NLGN4X: variants seen among roughly 807,000 people sequenced by gnomAD.
The protein encoded by NLGN4X is neuroligin-4, X-linked.
Under a neutral mutation model 40.3 loss-of-function variants are expected in NLGN4X, and 3 were observed. The observed-to-expected ratio is 0.07, with a 90% CI of 0.03 to 0.19. NLGN4X has a LOEUF of 0.19. Ranked by LOEUF, NLGN4X falls within the 10% of genes least tolerant of loss-of-function variation. NLGN4X has a pLI of 1.00. For missense variants in NLGN4X, 382 were observed against 708.3 expected (o/e 0.54, Z 5.23); for synonymous variants, 270 against 306.8 (o/e 0.88, Z 1.25).
At chrX:5,909,536 C>T (rs1375195160) in intron 3 of NLGN4X, among the ~76,000 whole-genome samples, 3 of 109,427 alleles carry the variant, frequency 2.7e-5, no homozygotes, top group Non-Finnish European at 5.7e-5. Context: ...CAGAAGACGT[C>T]GTAAATTTTA....
chrX:5,911,327 A>C (rs1286401982), intron 3 of NLGN4X, among the ~76,000 whole-genome samples: 1 of 112,142 alleles, frequency 8.9e-6, no homozygotes, highest in Non-Finnish European at 1.9e-5. Context: ...TTCAACACGC[A>C]GGAAATCATT....
At position 6,032,233 on chromosome X, in the gene NLGN4X, C is replaced by A. The variant is rs867046947; in HGVS notation, c.473-2801G>T. On this transcript the variant is annotated intron_variant, in intron 2 of 5. Coordinates refer to ENST00000381095, the MANE Select transcript of NLGN4X (RefSeq NM_181332.3). ...AAAAAACTGATATTTCAGCCCCCCCCCCCCCAAAAAAAATTCTTCTAAGGT... is the reference window on the plus strand; with the variant it reads ...AAAAAACTGATATTTCAGCCCCCCCACCCCCAAAAAAAATTCTTCTAAGGT... 7.4e-3 allele frequency among the ~76,000 whole-genome samples: 690 copies of A among 93,115 alleles called. 19 individuals carry two copies. Among genetic ancestry groups the A allele is most frequent in the Non-Finnish European group, 8.7e-3 (412 of 47,326 alleles). The allele number at this position is 93,115 out of a possible 115,157, so 80.9% of individuals were successfully genotyped here.
chrX:6,025,297 T>C (rs764795649), intron 3 of NLGN4X, among the ~76,000 whole-genome samples: 3 of 112,174 alleles, frequency 2.7e-5, no homozygotes, highest in Admixed American at 1.9e-4. Context: ...GCTAGCAAGA[T>C]TGTGTAGCAC....
chrX:5,924,943 A>G (rs1466676180), intron 3 of NLGN4X, among the ~76,000 whole-genome samples: 1 of 110,573 alleles, frequency 9.0e-6, no homozygotes, highest in Admixed American at 9.7e-5. Flanking sequence ...AAATCTCACA[A>G]ATCACCACTA....
At chrX:6,032,603 A>G in intron 2 of NLGN4X, 2 of 593,804 alleles carry the variant, frequency 3.4e-6, no homozygotes, top group Non-Finnish European at 4.9e-6. Flanking sequence ...TAAGGGGAGA[A>G]AAAACAGATT....
chrX:6,224,734 T>C (rs1031913687), intron 1 of NLGN4X, among the ~76,000 whole-genome samples: 3 of 109,327 alleles, frequency 2.7e-5, no homozygotes, highest in Non-Finnish European at 3.8e-5. Context: ...CATTAGTTTA[T>C]TTAAATAAAA....
intron 3 of NLGN4X, among the ~76,000 whole-genome samples, chrX:5,986,731 A>C (rs999498101): frequency 5.3e-5 from 6 of 112,213 alleles, no homozygotes; most frequent in African/African-American, 1.9e-4. Flanking sequence ...ACGCTTCACC[A>C]AACAGGACAT....
chrX:6,080,012 G>C (rs2038306525), intron 2 of NLGN4X, among the ~76,000 whole-genome samples: 1 of 110,300 alleles, frequency 9.1e-6, no homozygotes, highest in Non-Finnish European at 1.9e-5. Context: ...ACTCAAAGTT[G>C]GGTGAAGACA....
intron 3 of NLGN4X, among the ~76,000 whole-genome samples, chrX:5,932,776 C>A (rs2033596208): frequency 9.1e-6 from 1 of 109,592 alleles, no homozygotes; most frequent in Non-Finnish European, 1.9e-5. Flanking sequence ...GTTAGAGATA[C>A]CAGGATCAGG....
At chrX:6,227,544 C>CA (rs1926492118) in intron 1 of NLGN4X, 1 of 110,520 alleles carries the variant, frequency 9.0e-6, no homozygotes, top group Admixed American at 9.5e-5. Context: ...AGACTACACT[C>CA]AAAGGCTCCG....
intron 1 of NLGN4X, among the ~76,000 whole-genome samples, chrX:6,211,113 C>T (rs1451473146): frequency 8.9e-6 from 1 of 112,323 alleles, no homozygotes; most frequent in East Asian, 2.8e-4. Context: ...ATTCTATCTT[C>T]TCTGCCTTTT....
chrX:6,143,042 T>C (rs765262353), intron 2 of NLGN4X, among the ~76,000 whole-genome samples: 2 of 112,430 alleles, frequency 1.8e-5, no homozygotes, highest in South Asian at 7.4e-4. Context: ...TAGACTAATA[T>C]ACATACCAGA....
At chrX:6,195,386 C>T (rs942503066) in intron 1 of NLGN4X, among the ~76,000 whole-genome samples, 2 of 112,118 alleles carry the variant, frequency 1.8e-5, no homozygotes, top group Non-Finnish European at 1.9e-5. Context: ...GACACTGGCT[C>T]AGGTGGGGAT....
At chrX:5,912,371 CCT>C (rs1003199290) in intron 3 of NLGN4X, among the ~76,000 whole-genome samples, 4 of 111,432 alleles carry the variant, frequency 3.6e-5, no homozygotes, top group African/African-American at 1.3e-4. Flanking sequence ...TTCCCTAGCC[CCT>C]GTCTGCCAAA....
chrX:6,083,253 C>T (rs1288851076), intron 2 of NLGN4X, among the ~76,000 whole-genome samples: 5 of 110,435 alleles, frequency 4.5e-5, no homozygotes, highest in African/African-American at 6.6e-5. Context: ...CCACCGCGCC[C>T]GGCCCATGAT....
intron 4 of NLGN4X, among the ~76,000 whole-genome samples, chrX:5,907,420 C>T (rs1299389493): frequency 9.0e-6 from 1 of 111,551 alleles, no homozygotes; most frequent in East Asian, 2.8e-4. Context: ...AGTGAGCCTC[C>T]GGGGAAAGCC....
intron 2 of NLGN4X, among the ~76,000 whole-genome samples, chrX:6,063,087 C>G (rs1490135105): frequency 9.0e-6 from 1 of 111,224 alleles, no homozygotes; most frequent in Admixed American, 9.6e-5. Flanking sequence ...TTGTCATTGA[C>G]CACCCTACTT....
At chrX:6,087,835 T>A (rs1394789258) in intron 2 of NLGN4X, among the ~76,000 whole-genome samples, 1 of 112,522 alleles carries the variant, frequency 8.9e-6, no homozygotes, top group African/African-American at 3.2e-5. Context: ...TTGATTTCAC[T>A]TTCTTTACAT....
intron 2 of NLGN4X, among the ~76,000 whole-genome samples, chrX:6,082,372 CA>C (rs771877596): frequency 2.6e-4 from 26 of 98,603 alleles, no homozygotes; most frequent in East Asian, 9.6e-4. Context: ...TGTGTCTCCA[CA>C]AAAAAAAAAA....
Sources: allele counts gnomAD v4.1 joint callset (sites outside exome capture counted in the v4.1 genomes callset), GRCh38; gene constraint gnomAD v4.1.1; transcripts MANE v1.5; gene names NCBI Gene and HGNC (gene_info 2026-07-23, HGNC 2026-07-21).